Variants in DYM observed in about 807,000 individuals in gnomAD.
DYM encodes dyggve-Melchior-Clausen syndrome protein.
A neutral mutation model predicts 93.1 loss-of-function variants in DYM; 78 were observed. The ratio of observed to expected loss-of-function variants is 0.84; its 90% confidence interval spans 0.70 to 1.01. The LOEUF is 1.01. Ranked by LOEUF, DYM falls within the 50% of genes least tolerant of loss-of-function variation. The pLI, the probability that DYM is intolerant of heterozygous loss-of-function variation, is 0.00. For synonymous variants in DYM, 321 were observed against 319.7 expected (o/e 1.00, Z -0.04); for missense variants, 789 against 845.0 (o/e 0.93, Z 0.82).
intron 8 of DYM, among the ~76,000 whole-genome samples, chr18:49,318,279 A>T (rs2062165650): frequency 6.6e-6 from 1 of 152,210 alleles, no homozygotes; most frequent in Admixed American, 6.5e-5. Context: ...AATATGGGAA[A>T]CTGAGAGAAG....
intron 2 of DYM, among the ~76,000 whole-genome samples, chr18:49,404,981 C>T (rs1397030672): frequency 4.0e-5 from 6 of 148,964 alleles, no homozygotes; most frequent in Non-Finnish European, 8.9e-5. Flanking sequence ...CCATTGCACT[C>T]CAGCCTGGGT....
intron 2 of DYM, among the ~76,000 whole-genome samples, chr18:49,424,781 C>G (rs575251127): frequency 6.6e-6 from 1 of 152,212 alleles, no homozygotes; most frequent in African/African-American, 2.4e-5. Context: ...CATGAGTGAA[C>G]TCCCATTCAC....
intron 6 of DYM, among the ~76,000 whole-genome samples, chr18:49,361,962 G>A (rs2066062946): frequency 6.6e-6 from 1 of 151,774 alleles, no homozygotes; most frequent in Non-Finnish European, 1.5e-5. Flanking sequence ...CTGACCTCAT[G>A]AACTGCCCAC....
chr18:49,451,809 T>C (rs1011678999), intron 1 of DYM, among the ~76,000 whole-genome samples: 1 of 152,248 alleles, frequency 6.6e-6, no homozygotes, highest in African/African-American at 2.4e-5. Flanking sequence ...CATACATTTG[T>C]CATTAAATCC....
At chr18:49,136,294 G>A (rs1399725949) in intron 15 of DYM, among the ~76,000 whole-genome samples, 1 of 152,092 alleles carries the variant, frequency 6.6e-6, no homozygotes, top group African/African-American at 2.4e-5. Context: ...AATAGCACTG[G>A]ACTTACATTT....
chr18:49,443,027 T>G (rs1350134493), intron 1 of DYM, among the ~76,000 whole-genome samples: 1 of 152,100 alleles, frequency 6.6e-6, no homozygotes, highest in Non-Finnish European at 1.5e-5. Flanking sequence ...CTGGCTAATT[T>G]TTGTATTTTC....
At chr18:49,079,654 G>A (rs1436344331) in intron 17 of DYM, among the ~76,000 whole-genome samples, 1 of 151,348 alleles carries the variant, frequency 6.6e-6, no homozygotes, top group Non-Finnish European at 1.5e-5. Context: ...AGCACATCTT[G>A]CACCGCCCTT....
chr18:49,241,864 C>G (rs75809848), intron 13 of DYM, among the ~76,000 whole-genome samples: 1,537 of 152,330 alleles, frequency 0.01, 45 homozygotes, highest in South Asian at 0.075. Flanking sequence ...AAAAGCTGAT[C>G]ACTCATTTGA....
chr18:49,424,653 C>T (rs2074080180), intron 2 of DYM, among the ~76,000 whole-genome samples: 1 of 152,146 alleles, frequency 6.6e-6, no homozygotes, highest in Admixed American at 6.5e-5. Context: ...TCCATCAACT[C>T]AGTCCAAAAT....
chr18:49,051,114 C>G (rs2144357047), intron 17 of DYM, among the ~76,000 whole-genome samples: 1 of 152,310 alleles, frequency 6.6e-6, no homozygotes, highest in East Asian at 1.9e-4. Flanking sequence ...TCCCCAGGGT[C>G]AAAAGGGACC....
chr18:49,078,390 A>AATATAT (rs60812953), intron 17 of DYM, among the ~76,000 whole-genome samples: 1 of 150,208 alleles, frequency 6.7e-6, no homozygotes, highest in African/African-American at 2.4e-5. Context: ...CAAAAATTAA[A>AATATAT]ATATATATAT....
chr18:49,194,008 G>A (rs1048970110), intron 14 of DYM, among the ~76,000 whole-genome samples: 1 of 152,124 alleles, frequency 6.6e-6, no homozygotes, highest in Non-Finnish European at 1.5e-5. Context: ...TTTAAATTCT[G>A]GAAGCCAAAT....
intron 17 of DYM, among the ~76,000 whole-genome samples, chr18:49,065,013 T>G (rs551971456): frequency 1.3e-5 from 2 of 151,996 alleles, no homozygotes; most frequent in Non-Finnish European, 2.9e-5. Context: ...TGATTTAAAT[T>G]AGCTACACTC....
At chr18:49,263,998 T>C (rs1598983366) in intron 11 of DYM, among the ~76,000 whole-genome samples, 2 of 152,058 alleles carry the variant, frequency 1.3e-5, no homozygotes, top group East Asian at 1.9e-4. Context: ...ATTTATTAAA[T>C]GTTAGTATTC....
intron 2 of DYM, 35 bp from the exon 3 acceptor site, chr18:49,391,680 T>G (rs376473669): frequency 3.9e-6 from 6 of 1,547,158 alleles, no homozygotes; most frequent in African/African-American, 1.4e-5. Flanking sequence ...AATTAATGAC[T>G]ATAATACTAA....
intron 6 of DYM, among the ~76,000 whole-genome samples, chr18:49,360,878 T>C: frequency 6.6e-6 from 1 of 152,224 alleles, no homozygotes; most frequent in South Asian, 2.1e-4. Flanking sequence ...CAATGTCCCA[T>C]GCTCCCAGGA....
chr18:49,428,587 G>T (rs952280513), intron 2 of DYM, among the ~76,000 whole-genome samples: 1 of 152,172 alleles, frequency 6.6e-6, no homozygotes, highest in Non-Finnish European at 1.5e-5. Flanking sequence ...TCGGGAGGCT[G>T]AGGCCGAAGA....
chr18:49,302,850 A>G (rs1776620944), intron 8 of DYM, among the ~76,000 whole-genome samples: 1 of 152,206 alleles, frequency 6.6e-6, no homozygotes, highest in Admixed American at 6.5e-5. Flanking sequence ...CCACCAGGCC[A>G]TGCCTCTCCT....
intron 13 of DYM, among the ~76,000 whole-genome samples, chr18:49,231,554 C>A (rs2093695351): frequency 6.6e-6 from 1 of 152,200 alleles, no homozygotes; most frequent in African/African-American, 2.4e-5. Flanking sequence ...TCCCAGGACT[C>A]TTTCCCAAGT....
Sources: gnomAD v4.1 joint callset for allele counts (sites outside exome capture counted in the v4.1 genomes callset) on GRCh38, gnomAD v4.1.1 for gene constraint, MANE v1.5 for transcripts, NCBI Gene and HGNC (gene_info 2026-07-23, HGNC 2026-07-21) for gene names.